The following NRG1 variants were observed in gnomAD, a reference collection of about 807,000 sequenced individuals.
NRG1 encodes the protein pro-neuregulin-1, membrane-bound isoform.
Under a neutral mutation model 63.8 loss-of-function variants are expected in NRG1, and 18 were observed. The ratio of observed to expected loss-of-function variants is 0.28; its 90% CI spans 0.19 to 0.42. NRG1 has a LOEUF of 0.42. NRG1 is among the 10% of genes least tolerant of loss of function. The probability of loss-of-function intolerance (pLI) is 1.00; values close to 1 mark genes in which losing one functional copy is unlikely to be tolerated. For synonymous variants in NRG1, 302 were observed against 301.3 expected, an observed-to-expected ratio of 1.00 and a Z score of -0.02; for missense variants, 762 against 814.7, an observed-to-expected ratio of 0.94 and a Z score of 0.79.
intron 5 of NRG1, chr8:32,646,766 T>G (rs1853634484): frequency 1.0e-6 from 1 of 985,234 alleles, no homozygotes. Flanking sequence ...CTCTTTGATT[T>G]GATGGCCTTT....
At chr8:32,647,595 A>G (rs1359312489) in intron 5 of NRG1, 4 of 1,403,942 alleles carry the variant, frequency 2.8e-6, no homozygotes, top group Non-Finnish European at 3.7e-6. Context: ...GATTTTAATA[A>G]TGGCCTTGGA....
In NRG1 at chr8:31,653,353, G is replaced by A. The variant is rs941123928; in HGVS notation, c.37+13922G>A. 3.3e-5 allele frequency among the ~76,000 whole-genome samples: 5 copies of A among 151,960 alleles called. No homozygotes were observed. In the East Asian group the frequency reaches 9.7e-4, roughly 29 times the overall value. On this transcript the variant is annotated intron_variant, in intron 1 of 10. Transcript: ENST00000519301. ...TTAGGGTAGGCTAACTGCAGTAACC[G>A]ATGATACCCTTAATATATAACAAGT...
intron 1 of NRG1, among the ~76,000 whole-genome samples, chr8:31,714,601 A>T (rs1812164513): frequency 6.6e-6 from 1 of 152,162 alleles, no homozygotes; most frequent in Non-Finnish European, 1.5e-5. Context: ...TGCTGTTATG[A>T]CTAAGCATAT....
intron 1 of NRG1, among the ~76,000 whole-genome samples, chr8:32,593,033 C>T (rs901168766): frequency 7.9e-5 from 12 of 152,008 alleles, no homozygotes; most frequent in African/African-American, 2.7e-4. Context: ...TATATTTATT[C>T]ATCAGGTGAA....
chr8:31,952,675 C>T (rs1397039018), intron 1 of NRG1, among the ~76,000 whole-genome samples: 1 of 152,160 alleles, frequency 6.6e-6, no homozygotes, highest in Non-Finnish European at 1.5e-5. Context: ...CCTACATTGG[C>T]CTTGGGCCTA....
intron 1 of NRG1, among the ~76,000 whole-genome samples, chr8:32,061,299 A>G (rs970754252): frequency 2.0e-5 from 3 of 152,006 alleles, no homozygotes; most frequent in South Asian, 2.1e-4. Flanking sequence ...CCAGTAGTCA[A>G]TTATTATGAT....
intron 1 of NRG1, among the ~76,000 whole-genome samples, chr8:32,108,925 G>T (rs117404874): frequency 0.01 from 1,523 of 152,112 alleles, 12 homozygotes; most frequent in South Asian, 0.023. Context: ...TTGTTTTAAG[G>T]CACTACATTT....
chr8:32,188,058 C>G (rs559660948), intron 1 of NRG1, among the ~76,000 whole-genome samples: 7 of 151,974 alleles, frequency 4.6e-5, no homozygotes, highest in Middle Eastern at 3.4e-3. Flanking sequence ...TATCTTTACT[C>G]TAGGATTATA....
chr8:31,820,676 C>T (rs1338755725), intron 1 of NRG1, among the ~76,000 whole-genome samples: 1 of 152,168 alleles, frequency 6.6e-6, no homozygotes, highest in Admixed American at 6.5e-5. Flanking sequence ...AGCATTGGAA[C>T]TTATCTAAAC....
chr8:32,301,971 G>C lies in NRG1; in HGVS notation c.38-293857G>C, dbSNP rs551904499. ...TGTGCTGAATACAAAGATGCTGACT[G>C]GGGGGAGTGAATGTACCTGCATCCC... On this transcript the variant is annotated intron_variant, in intron 1 of 10. Transcript: ENST00000519301. Among the ~76,000 whole-genome samples the C allele has an allele frequency of 1.2e-4, 19 of 152,254 alleles. 1 individual carries two copies. The South Asian group carries it at 3.3e-3, about 27-fold the overall frequency.
chr8:32,419,928 G>A (rs939125634), intron 1 of NRG1, among the ~76,000 whole-genome samples: 71 of 152,028 alleles, frequency 4.7e-4, no homozygotes, highest in Admixed American at 4.2e-3. Flanking sequence ...TTTATATTGC[G>A]CGTCTTCTAT....
chr8:32,201,455 T>C (rs1168287665), intron 1 of NRG1, among the ~76,000 whole-genome samples: 2 of 152,222 alleles, frequency 1.3e-5, no homozygotes, highest in Non-Finnish European at 2.9e-5. Context: ...AACAATTCCA[T>C]GGACTCTGAG....
chr8:31,687,259 G>A (rs1216940259), intron 1 of NRG1, among the ~76,000 whole-genome samples: 6 of 152,098 alleles, frequency 3.9e-5, no homozygotes, highest in Admixed American at 6.5e-5. Context: ...AGACTTGAAC[G>A]AACTAGGTTT....
intron 1 of NRG1, among the ~76,000 whole-genome samples, chr8:31,676,603 G>T (rs556273043): frequency 1.3e-5 from 2 of 152,254 alleles, no homozygotes; most frequent in Admixed American, 6.5e-5. Flanking sequence ...GGCCTGGGAG[G>T]TTGAACCCTC....
intron 8 of NRG1, among the ~76,000 whole-genome samples, 196 bp from the exon 9 acceptor site, chr8:32,756,207 G>T (rs561323877): frequency 1.6e-4 from 24 of 152,022 alleles, no homozygotes; most frequent in African/African-American, 5.1e-4. Flanking sequence ...AGAATCCCAG[G>T]TGGCTTTTAA....
chr8:31,899,965 A>T (rs1232958772), intron 1 of NRG1, among the ~76,000 whole-genome samples: 1 of 152,198 alleles, frequency 6.6e-6, no homozygotes, highest in Non-Finnish European at 1.5e-5. Context: ...GGACAAGCAC[A>T]TCTTATGTAC....
At chr8:32,156,632 C>G (rs1259951481) in intron 1 of NRG1, among the ~76,000 whole-genome samples, 1 of 152,194 alleles carries the variant, frequency 6.6e-6, no homozygotes, top group Non-Finnish European at 1.5e-5. Context: ...TGGTTGGAAC[C>G]ATAGAAGGCA....
chr8:32,026,849 G>A (rs7823394), intron 1 of NRG1, among the ~76,000 whole-genome samples: 148,014 of 152,276 alleles, frequency 0.97, 72,071 homozygotes, highest in Non-Finnish European at 1. Context: ...TGTTAACATT[G>A]TGTTGGATTT....
chr8:32,513,204 C>CGTGTGT (rs3031226), intron 1 of NRG1, among the ~76,000 whole-genome samples: 1 of 147,594 alleles, frequency 6.8e-6, no homozygotes, highest in African/African-American at 2.5e-5. Flanking sequence ...TGCGTGTGTG[C>CGTGTGT]GTGTGTGTGT....
Sources: gnomAD v4.1 joint callset for allele counts (sites outside exome capture counted in the v4.1 genomes callset) on GRCh38, gnomAD v4.1.1 for gene constraint, MANE v1.5 for transcripts, NCBI Gene and HGNC (gene_info 2026-07-23, HGNC 2026-07-21) for gene names.